SLC39A6: variants seen among roughly 807,000 people sequenced by gnomAD.
SLC39A6 encodes the protein zinc transporter ZIP6.
Under a neutral mutation model 63.5 loss-of-function variants are expected in SLC39A6, and 51 were observed. That is an observed-to-expected ratio of 0.80 (90% CI 0.64 to 1.01). SLC39A6 has a LOEUF of 1.01. Ranked by LOEUF, SLC39A6 falls within the 50% of genes least tolerant of loss-of-function variation. The pLI is 0.00. For synonymous variants in SLC39A6, 318 were observed against 324.7 expected (o/e 0.98, Z 0.22); for missense variants, 805 against 927.8 (o/e 0.87, Z 1.72).
chr18:36,126,156 T>G (rs888444935), intron 2 of SLC39A6, 63 bp downstream of exon 2: 27 of 1,406,298 alleles, frequency 1.9e-5, no homozygotes, highest in Admixed American at 3.8e-5. Context: ...TAACTAGAGA[T>G]AGAGTAGCAG....
Position 36,126,669 on chromosome 18 carries a change from G to A in SLC39A6, c.339C>T (p.Asp113=). 19 of 1,602,740 alleles carry A rather than the reference G, an allele frequency of 1.2e-5. No homozygotes were observed. The highest frequency in any genetic ancestry group is 1.5e-5 in the Non-Finnish European group (17 of 1,172,182). The change falls in exon 2 of 10, where the codon GAC becomes GAT. Residue 113 remains aspartate (D), a synonymous_variant. Transcript: ENST00000269187. ...GCTCGTGCTCTGAGTGATGCTCATG[G>A]TCTGAGTGACGCTCATGGTCTGAGT... ...EHHSDHERHS[D]HEHHSEHEHH...
chr18:36,124,057 A>C lies in SLC39A6; in HGVS notation c.971-393T>G, dbSNP rs1004319875. 3.3e-5 allele frequency among the ~76,000 whole-genome samples: 5 copies of C among 152,330 alleles called. No homozygotes were observed. In the South Asian group the frequency reaches 6.2e-4, roughly 19 times the overall value. ...AGAAAAAAGGAAAAGAAAGAAAAGA[A>C]GAGGAAGAAACCAGGAATTCAATAA... On this transcript the variant is annotated intron_variant, in intron 3 of 9. Transcript: ENST00000269187.
At position 36,123,555 on chromosome 18, in the gene SLC39A6, G is replaced by A. The variant is rs1205353438; in HGVS notation, c.1080C>T (p.Phe360=). 1.2e-6 allele frequency: 2 copies of A among 1,613,376 alleles called. No individual in the cohort carries two copies. Among genetic ancestry groups the A allele is most frequent in the Non-Finnish European group, 1.7e-6 (2 of 1,179,846 alleles). ...AAGTCCCAACGGCCAGTGCCACAAG[G>A]AAACTCAGGAGAAATTTGAAAAACA... ...NRVFFKFLLS[F]LVALAVGTLS... Residue 360 remains phenylalanine (F), a synonymous_variant, in exon 4 of 10, where the codon TTC becomes TTT. Transcript: ENST00000269187.
At chr18:36,122,417 A>C in intron 4 of SLC39A6, 147 bp from the exon 5 acceptor site, 1 of 647,988 alleles carries the variant, frequency 1.5e-6, no homozygotes, top group African/African-American at 1.8e-5. Context: ...GGACATTAAA[A>C]ATAAAATGAC....
intron 9 of SLC39A6, among the ~76,000 whole-genome samples, chr18:36,110,018 T>C (rs1236054605): frequency 6.6e-6 from 1 of 152,212 alleles, no homozygotes; most frequent in Non-Finnish European, 1.5e-5. Context: ...AAAAGCGATA[T>C]TGATTTTCCT....
Position 36,126,412 on chromosome 18 carries a change from G to T in SLC39A6, c.596C>A (p.Thr199Asn). The change falls in exon 2 of 10, where the codon ACT becomes AAT. Residue 199 changes from threonine to asparagine, a missense_variant. This residue lies in a region of SLC39A6 where 639 missense variants were observed against 644.0 expected (regional missense o/e 0.99). Coordinates refer to ENST00000269187, the MANE Select transcript of SLC39A6 (RefSeq NM_012319.4). ...STVYNTVSEG[T>N]HFLETIETPR... ...AGTCTCTATTGTCTCTAGAAAGTGA[G>T]TTCCTTCAGAGACAGTGTTGTACAC... 6.2e-7 allele frequency: 1 copy of T among 1,614,244 alleles called. No individual in the cohort carries two copies. Among genetic ancestry groups the T allele is most frequent in the Non-Finnish European group, 8.5e-7 (1 of 1,180,034 alleles).
chr18:36,128,278 A>G (rs761568824), intron 1 of SLC39A6, among the ~76,000 whole-genome samples: 35 of 152,240 alleles, frequency 2.3e-4, no homozygotes, highest in Admixed American at 6.5e-4. Context: ...GCAGACGTCA[A>G]GTTTACAACT....
Position 36,126,787 on chromosome 18 carries a change from C to T in SLC39A6, c.221G>A (p.Gly74Glu), listed in dbSNP as rs751468136. The stretch of plus-strand genomic sequence containing the variant: ...TATATTTTGAAGTAATTTTCTGAAC[C>T]CTTCAACTGACAAAGAATTATTTTC... Reference protein sequence around the residue: ...YGENNSLSVEGFRKLLQNIGI... With the variant: ...YGENNSLSVEEFRKLLQNIGI... Residue 74 changes from glycine to glutamate, a missense_variant, in exon 2 of 10, where the codon GGG becomes GAG. Coordinates refer to ENST00000269187, the MANE Select transcript of SLC39A6 (RefSeq NM_012319.4). 15 of 1,614,050 alleles carry T rather than the reference C, an allele frequency of 9.3e-6. No individual in the cohort carries two copies. The highest frequency in any genetic ancestry group is 3.3e-5 in the South Asian group (3 of 91,082).
chr18:36,112,645 A>G, intron 7 of SLC39A6, 64 bp from the exon 8 acceptor site: 1 of 1,212,158 alleles, frequency 8.2e-7, no homozygotes, highest in African/African-American at 1.5e-5. Context: ...TCTTATCAGT[A>G]TGCAAAATGA....
chr18:36,112,257 C>T (rs957792824), intron 8 of SLC39A6, among the ~76,000 whole-genome samples: 7 of 152,186 alleles, frequency 4.6e-5, no homozygotes, highest in African/African-American at 1.7e-4. Flanking sequence ...CATCCACTTC[C>T]CTTCAATTCC....
chr18:36,122,478 A>C (rs1475683441), intron 4 of SLC39A6, among the ~76,000 whole-genome samples: 3 of 152,226 alleles, frequency 2.0e-5, no homozygotes, highest in Non-Finnish European at 4.4e-5. Context: ...TACTTCAGAT[A>C]CATTCCCAGT....
In SLC39A6 at chr18:36,126,850, C is replaced by T. The variant is rs374869798; in HGVS notation, c.158G>A (p.Arg53Gln). 7 of 1,613,932 alleles carry T rather than the reference C, an allele frequency of 4.3e-6. No individual in the cohort carries two copies. The highest frequency in any genetic ancestry group is 1.6e-4 in the Middle Eastern group (1 of 6,084). The change falls in exon 2 of 10, where the codon CGG becomes CAG. Residue 53 changes from arginine to glutamine, a missense_variant. Arg to Gln is a conservative substitution (Grantham distance 43). Around this residue, in one of 4 missense-constraint regions of SLC39A6, gnomAD observed 639 missense variants for 644.0 expected, o/e 0.99. Coordinates refer to ENST00000269187, the MANE Select transcript of SLC39A6 (RefSeq NM_012319.4). Reference sequence around the variant, plus strand: ...GAAAAGCTGTTGTAGATGATATTGCCGTGTGGAAATTGCCAAGTCAACATT... The same window carrying T: ...GAAAAGCTGTTGTAGATGATATTGCTGTGTGGAAATTGCCAAGTCAACATT... ...GINVDLAIST[R>Q]QYHLQQLFYR...
chr18:36,122,320 G>A (rs370841805), intron 4 of SLC39A6, 50 bp from the exon 5 acceptor site: 45 of 1,443,918 alleles, frequency 3.1e-5, no homozygotes, highest in Middle Eastern at 3.6e-4. Context: ...TTCACACACC[G>A]AGTCAGAAAG....
intron 8 of SLC39A6, among the ~76,000 whole-genome samples, chr18:36,112,167 C>T (rs746938346): frequency 1.1e-4 from 16 of 152,144 alleles, no homozygotes; most frequent in Non-Finnish European, 2.1e-4. Context: ...ACAAGAAAAA[C>T]AAGGACGTGA....
intron 5 of SLC39A6, among the ~76,000 whole-genome samples, chr18:36,117,869 A>C (rs2089359809): frequency 6.6e-6 from 1 of 152,104 alleles, no homozygotes. Flanking sequence ...GTCTCTACTA[A>C]AAATACAAAA....
rs1292373584 is a variant in SLC39A6, at chr18:36,127,739, G to C, written c.-9-723C>G. Among the ~76,000 whole-genome samples the C allele has an allele frequency of 4.0e-5, 6 of 149,948 alleles. No individual in the cohort carries two copies. In the East Asian group the frequency reaches 1.2e-3, roughly 29 times the overall value. ...GTGTATCCCTCAGGATATTTTCTAT[G>C]CATACTCAAATACATGTATACTTAA... On this transcript the variant is annotated intron_variant, in intron 1 of 9. Transcript: ENST00000269187.
At position 36,122,843 on chromosome 18, in the gene SLC39A6, G is replaced by A. The variant is rs113388680; in HGVS notation, c.1141-573C>T. 2.3e-3 allele frequency among the ~76,000 whole-genome samples: 357 copies of A among 152,332 alleles called. 1 individual carries two copies. The highest frequency in any genetic ancestry group is 7.3e-3 in the African/African-American group (302 of 41,572). On this transcript the variant is annotated intron_variant, in intron 4 of 9. Transcript: ENST00000269187. Reference sequence around the variant, plus strand: ...TTTCTATCAGTAGGTATTCCCGAATGTCTGCCATCTGGTGGTCCGAGAGCT... The same window carrying A: ...TTTCTATCAGTAGGTATTCCCGAATATCTGCCATCTGGTGGTCCGAGAGCT...
rs747730811 is a variant in SLC39A6 at position 36,109,614 on chromosome 18, G to T, written c.2247C>A (p.Ile749=). 2 of 1,607,214 alleles carry T rather than the reference G, an allele frequency of 1.2e-6. No homozygotes were observed. Among genetic ancestry groups the T allele is most frequent in the East Asian group, 4.5e-5 (2 of 44,776 alleles). ...TTAACTAGAAATTTATACGAAACAC[G>T]ATTTTATGTTCAAATATGGAAATAA... is the stretch of plus-strand genomic sequence containing the variant. ...MLLISIFEHK[I]VFRINF The change falls in exon 10 of 10, where the codon ATC becomes ATA. Residue 749 remains isoleucine, a synonymous_variant. Transcript: ENST00000269187.
In SLC39A6 at chr18:36,123,532, G is replaced by A; in HGVS notation, c.1103C>T (p.Thr368Ile). ...LSFLVALAVG[T>I]LSGDAFLHLL... Reference sequence around the variant, plus strand: ...GTGTAAAAAAGCATCACCACTCAAAGTCCCAACGGCCAGTGCCACAAGGAA... The same window carrying A: ...GTGTAAAAAAGCATCACCACTCAAAATCCCAACGGCCAGTGCCACAAGGAA... The change falls in exon 4 of 10, where the codon ACT (threonine) becomes ATT (isoleucine). Residue 368 changes from threonine to isoleucine, a missense_variant. Physicochemically the swap from Thr to Ile is moderately conservative, Grantham distance 89. Coordinates refer to ENST00000269187, the MANE Select transcript of SLC39A6 (RefSeq NM_012319.4). The A allele has an allele frequency of 1.2e-6, 2 of 1,612,536 alleles. No homozygotes were observed. Among genetic ancestry groups the A allele is most frequent in the Non-Finnish European group, 8.5e-7 (1 of 1,179,654 alleles).
Sources: allele counts gnomAD v4.1 joint callset (sites outside exome capture counted in the v4.1 genomes callset), GRCh38; gene constraint gnomAD v4.1.1; regional missense constraint gnomAD v4.1.1; transcripts MANE v1.5; gene names NCBI Gene and HGNC (gene_info 2026-07-23, HGNC 2026-07-21).